MACF1: variants seen among roughly 807,000 people sequenced by gnomAD.
MACF1 encodes microtubule-actin cross-linking factor 1.
A neutral mutation model predicts 854.8 loss-of-function variants in MACF1; 193 were observed. That is an observed-to-expected ratio of 0.23 (90% CI 0.20 to 0.25). MACF1 has a LOEUF of 0.25. Ranked by LOEUF, MACF1 falls within the 10% of genes least tolerant of loss-of-function variation. The pLI is 1.00. For missense variants in MACF1, 7,722 were observed against 8,929.1 expected (o/e 0.86, Z 5.45); for synonymous variants, 3,185 against 3,226.7 (o/e 0.99, Z 0.44).
At chr1:39,422,611 G>A (rs1320543988) in intron 59 of MACF1, 76 bp downstream of exon 59, 23 of 1,544,242 alleles carry the variant, frequency 1.5e-5, no homozygotes, top group East Asian at 4.5e-5. Context: ...AAGGTTTCCC[G>A]AAACCTGAAT....
chr1:39,180,858 T>G (rs1238471083), intron 2 of MACF1, among the ~76,000 whole-genome samples: 1 of 152,096 alleles, frequency 6.6e-6, no homozygotes, highest in Non-Finnish European at 1.5e-5. Flanking sequence ...TTTGGGAACT[T>G]GTTGAAAATT....
At chr1:39,441,375 C>G in intron 74 of MACF1, 50 bp downstream of exon 74, 1 of 1,473,354 alleles carries the variant, frequency 6.8e-7, no homozygotes, top group South Asian at 1.2e-5. Flanking sequence ...CTGTTTTTTG[C>G]CATTTTTGTC....
chr1:39,461,218 G>A (rs894826900), intron 92 of MACF1, among the ~76,000 whole-genome samples: 2 of 151,988 alleles, frequency 1.3e-5, no homozygotes, highest in Admixed American at 6.6e-5. Context: ...AATTTGTTTA[G>A]AATCTAAGAC....
intron 58 of MACF1, among the ~76,000 whole-genome samples, chr1:39,401,950 G>A (rs576400465): frequency 2.6e-5 from 4 of 152,184 alleles, no homozygotes; most frequent in African/African-American, 4.8e-5. Flanking sequence ...AGTGGCTCAC[G>A]CCCGTAATCC....
Position 39,106,746 on chromosome 1 carries a change from T to C in MACF1, c.220+22308T>C, listed in dbSNP as rs72660088. 2.8e-3 allele frequency among the ~76,000 whole-genome samples: 423 copies of C among 151,946 alleles called. 5 individuals carry two copies. The highest frequency in any genetic ancestry group is 0.01 in the Middle Eastern group (3 of 294). Reference sequence around the variant, plus strand: ...GTCCAGCGTACTTGTTTACAGCACCTATCCAGTGAAGGGAAACTAATGAAG... The same window carrying C: ...GTCCAGCGTACTTGTTTACAGCACCCATCCAGTGAAGGGAAACTAATGAAG... On this transcript the variant is annotated intron_variant, in intron 2 of 93. Coordinates refer to the MACF1 transcript ENST00000361689.
chr1:39,201,746 C>T (rs1440147759), upstream of MACF1, among the ~76,000 whole-genome samples: 1 of 152,054 alleles, frequency 6.6e-6, no homozygotes, highest in East Asian at 1.9e-4. Context: ...AAGCCAAAGG[C>T]TTTACAATGA....
chr1:39,187,502 A>G (rs1644187926), intron 2 of MACF1, among the ~76,000 whole-genome samples: 1 of 151,940 alleles, frequency 6.6e-6, no homozygotes, highest in South Asian at 2.1e-4. Flanking sequence ...TCCCTGTTGG[A>G]TTTCATGTTT....
rs762662063 is a variant in MACF1 at position 39,084,434 on chromosome 1, C to T, written c.216C>T (p.Val72=). The change falls in exon 2 of 94, where the codon GTC becomes GTT. Residue 72 remains valine, a synonymous_variant. Transcript: ENST00000361689. The surrounding 1 kb of genome is among the most constrained non-coding windows in gnomAD (Gnocchi z 5.2). ...CTGCAGAGCGTGCTGTGGTCAGAGT[C>T]GCTGGTAAGAGAGGTCCCCCAGCAG... 3.0e-5 allele frequency: 48 copies of T among 1,607,412 alleles called. No individual in the cohort carries two copies. The highest frequency in any genetic ancestry group is 1.0e-4 in the Admixed American group (6 of 59,886).
chr1:39,180,029 A>G (rs1052355263), intron 2 of MACF1, among the ~76,000 whole-genome samples: 9 of 146,130 alleles, frequency 6.2e-5, no homozygotes, highest in Admixed American at 6.1e-4. Context: ...ATGAAATTTT[A>G]AAAAAATGAA....
At chr1:39,158,305 A>G (rs1392035630) in intron 2 of MACF1, among the ~76,000 whole-genome samples, 1 of 152,162 alleles carries the variant, frequency 6.6e-6, no homozygotes, top group Non-Finnish European at 1.5e-5. Flanking sequence ...TGCTTTCAAC[A>G]GTTAGGGAAT....
chr1:39,380,151 A>C, intron 54 of MACF1, 93 bp from the exon 55 acceptor site: 1 of 1,334,286 alleles, frequency 7.5e-7, no homozygotes, highest in Non-Finnish European at 1.1e-6. Flanking sequence ...TAGAGTCTAT[A>C]ATAACTGCCC....
intron 78 of MACF1, among the ~76,000 whole-genome samples, 164 bp downstream of exon 78, chr1:39,443,075 G>A (rs1170181377): frequency 6.6e-6 from 1 of 152,128 alleles, no homozygotes; most frequent in African/African-American, 2.4e-5. Context: ...CTTTTGATTG[G>A]GTAGTTCTTT....
At chr1:39,290,246 A>G (rs1378647253) in intron 15 of MACF1, among the ~76,000 whole-genome samples, 1 of 152,170 alleles carries the variant, frequency 6.6e-6, no homozygotes, top group African/African-American at 2.4e-5. Flanking sequence ...ATTCTTCTAC[A>G]TACAGATATC....
chr1:39,231,263 A>G lies in MACF1; in HGVS notation c.171+20A>G. The G allele has an allele frequency of 6.2e-7, 1 of 1,609,726 alleles. No individual in the cohort carries two copies. Among genetic ancestry groups the G allele is most frequent in the Non-Finnish European group, 8.5e-7 (1 of 1,176,026 alleles). On this transcript the variant is annotated intron_variant, in intron 2 of 100. Coordinates refer to ENST00000564288, the MANE Select transcript of MACF1 (RefSeq NM_001394062.1). ...ATGAAGGTAGGACCCTTTCATATAT[A>G]TGCTGCCCCAGCACCTCTCACTGCT...
rs1352760168 is a variant in MACF1, at chr1:39,324,728, G to T, written c.4472G>T (p.Gly1491Val). Reference sequence around the variant, plus strand: ...TCACAGATCTTCTTGGCCAAGCATGGTCATAAGTGAGTATTAAATGAGAGA... The same window carrying T: ...TCACAGATCTTCTTGGCCAAGCATGTTCATAAGTGAGTATTAAATGAGAGA... ...KTSQIFLAKH[G>V]HKLSEKEKKQ... is the part of the protein sequence containing the mutation. Residue 1491 changes from glycine to valine, a missense_variant, in exon 35 of 101, where the codon GGT becomes GTT. Physicochemically the swap from Gly to Val is moderately radical, Grantham distance 109 (BLOSUM62 -3). Coordinates refer to ENST00000564288, the MANE Select transcript of MACF1 (RefSeq NM_001394062.1). 6.2e-7 allele frequency: 1 copy of T among 1,612,272 alleles called. No homozygotes were observed. The highest frequency in any genetic ancestry group is 8.5e-7 in the Non-Finnish European group (1 of 1,178,536).
intron 44 of MACF1, among the ~76,000 whole-genome samples, chr1:39,354,721 G>T (rs1194388666): frequency 6.6e-6 from 1 of 152,114 alleles, no homozygotes; most frequent in Non-Finnish European, 1.5e-5. Flanking sequence ...CTACTTTGTA[G>T]CATTTCTCAT....
In MACF1 at chr1:39,283,184, T is replaced by C. The variant is rs751944026; in HGVS notation, c.696-5T>C. 7.5e-6 allele frequency: 12 copies of C among 1,598,592 alleles called. No individual in the cohort carries two copies. The highest frequency in any genetic ancestry group is 1.0e-5 in the Non-Finnish European group (12 of 1,165,930). On this transcript the variant is annotated splice_polypyrimidine_tract_variant and splice_region_variant and intron_variant, in intron 7 of 100. Coordinates refer to ENST00000564288, the MANE Select transcript of MACF1 (RefSeq NM_001394062.1). This position sits in a 1 kb window ranked among gnomAD's most constrained non-coding sequence, Gnocchi z 4.5. ...CGTTTCATGTGCCTTGCTGGACTTTTACAGACCCGATCTAGTAGACATGGA... is the reference window on the plus strand; with the variant it reads ...CGTTTCATGTGCCTTGCTGGACTTTCACAGACCCGATCTAGTAGACATGGA...
At chr1:39,485,122 A>G (rs1645079781) in intron 100 of MACF1, 1 of 326,168 alleles carries the variant, frequency 3.1e-6, no homozygotes, top group Admixed American at 4.7e-5. Flanking sequence ...GGAAGATCAC[A>G]TCTGTTCTCC....
At chr1:39,472,310 T>A (rs1644793554) in intron 97 of MACF1, among the ~76,000 whole-genome samples, 1 of 152,226 alleles carries the variant, frequency 6.6e-6, no homozygotes, top group African/African-American at 2.4e-5. Flanking sequence ...TAAATTTTGC[T>A]TAATCAGAAT....
Sources: gnomAD v4.1 joint callset for allele counts (sites outside exome capture counted in the v4.1 genomes callset) on GRCh38, gnomAD v4.1.1 for gene constraint, Gnocchi (gnomAD v3.1) non-coding constraint, MANE v1.5 for transcripts, NCBI Gene and HGNC (gene_info 2026-07-23, HGNC 2026-07-21) for gene names.